Variants in EDEM2 observed in about 807,000 individuals in gnomAD.
EDEM2 encodes ER degradation-enhancing alpha-mannosidase-like protein 2.
A neutral mutation model predicts 64.8 loss-of-function variants in EDEM2; 39 were observed. The ratio of observed to expected loss-of-function variants is 0.60; its 90% CI spans 0.47 to 0.79. The LOEUF is 0.79. Ranked by LOEUF, EDEM2 falls within the 30% of genes least tolerant of loss-of-function variation. The pLI is 0.00. For synonymous variants in EDEM2, 296 were observed against 291.5 expected (o/e 1.02, Z -0.16); for missense variants, 609 against 731.3 (o/e 0.83, Z 1.93).
At chr20:35,129,993 C>A (rs1266808548) in intron 7 of EDEM2, among the ~76,000 whole-genome samples, 3 of 152,162 alleles carry the variant, frequency 2.0e-5, no homozygotes, top group African/African-American at 7.2e-5. Context: ...CAGACTATAT[C>A]CCTGTCATTA....
intron 5 of EDEM2, among the ~76,000 whole-genome samples, chr20:35,136,088 C>T (rs960415025): frequency 1.3e-5 from 2 of 152,202 alleles, no homozygotes; most frequent in Non-Finnish European, 2.9e-5. Context: ...CCAAGAACCA[C>T]AGGGTCTAGC....
chr20:35,145,078 C>A, intron 2 of EDEM2, 60 bp from the exon 3 acceptor site: 1 of 1,573,142 alleles, frequency 6.4e-7, no homozygotes, highest in Non-Finnish European at 8.7e-7. Context: ...GATATTATGG[C>A]TGCCCTAGAT....
At position 35,115,571 on chromosome 20, in the gene EDEM2, T is replaced by C; in HGVS notation, c.1599A>G (p.Thr533=). 1 of 1,613,876 alleles carries C rather than the reference T, an allele frequency of 6.2e-7. No individual in the cohort carries two copies. Among genetic ancestry groups the C allele is most frequent in the Non-Finnish European group, 8.5e-7 (1 of 1,179,992 alleles). The change falls in exon 11 of 11, where the codon ACA becomes ACG. Residue 533 remains threonine, a synonymous_variant. Coordinates refer to ENST00000374492, the MANE Select transcript of EDEM2 (RefSeq NM_018217.3). ...GPWEPPARPG[T]LFSPENHDQA... ...GGTCATGGTTTTCTGGTGAGAAGAG[T>C]GTTCCTGGCCTTGCTGGAGGTTCCC...
chr20:35,142,375 C>T lies in EDEM2; in HGVS notation c.362G>A (p.Arg121Gln), dbSNP rs556734937. 1.7e-5 allele frequency: 27 copies of T among 1,612,388 alleles called. No homozygotes were observed. The highest frequency in any genetic ancestry group is 2.1e-5 in the Non-Finnish European group (25 of 1,178,778). Residue 121 changes from arginine (R) to glutamine (Q), a missense_variant and splice_region_variant, in exon 4 of 11, where the codon CGA (arginine) becomes CAA (glutamine). Physicochemically the swap from Arg to Gln is conservative, Grantham distance 43 (BLOSUM62 1). Transcript: ENST00000374492. Reference sequence around the variant, plus strand: ...AGGTCCTAGAGAGCAGCCCTTACCTCGAATGTTTGTTTCAAACACAGAGGC... The same window carrying T: ...AGGTCCTAGAGAGCAGCCCTTACCTTGAATGTTTGTTTCAAACACAGAGGC... ...VNASVFETNIRVVGGLLSAHL... is the reference protein window; with the variant it reads ...VNASVFETNIQVVGGLLSAHL...
chr20:35,125,427 C>T (rs1224260925), intron 8 of EDEM2, among the ~76,000 whole-genome samples: 1 of 151,732 alleles, frequency 6.6e-6, no homozygotes, highest in Non-Finnish European at 1.5e-5. Context: ...CTCTGTCATC[C>T]AGGCTGGAGT....
intron 9 of EDEM2, among the ~76,000 whole-genome samples, chr20:35,121,088 G>C (rs2085363193): frequency 6.6e-6 from 1 of 152,226 alleles, no homozygotes; most frequent in Non-Finnish European, 1.5e-5. Flanking sequence ...ATTTTTCCAT[G>C]AACTGGGCTT....
rs1600712516 is a variant in EDEM2 at position 35,134,870 on chromosome 20, G to A, written c.570C>T (p.Thr190=). The change falls in exon 6 of 11, where the codon ACC becomes ACT. Residue 190 remains threonine, a synonymous_variant. Coordinates refer to ENST00000374492, the MANE Select transcript of EDEM2 (RefSeq NM_018217.3). ...TGAAGGTCCCAATCCCTGCCGTACA[G>A]GTGACAGGGGTCTCTCCTGGGTTCA... ...HGVNPGETPV[T]CTAGIGTFIV... is the part of the protein sequence containing the mutation. 4 of 1,614,198 alleles carry A rather than the reference G, an allele frequency of 2.5e-6. No homozygotes were observed. The highest frequency in any genetic ancestry group is 3.4e-6 in the Non-Finnish European group (4 of 1,180,040).
At chr20:35,132,370 C>T (rs574119182) in intron 6 of EDEM2, among the ~76,000 whole-genome samples, 1 of 151,712 alleles carries the variant, frequency 6.6e-6, no homozygotes, top group East Asian at 2.0e-4. Context: ...TTGGCAATGC[C>T]GGCCAGGCGC....
chr20:35,115,803 G>A lies in EDEM2; in HGVS notation c.1367C>T (p.Ala456Val), dbSNP rs199534117. The A allele has an allele frequency of 1.1e-5, 17 of 1,614,186 alleles. No homozygotes were observed. The highest frequency in any genetic ancestry group is 7.7e-5 in the South Asian group (7 of 91,084). ...FIHNNGSTFD[A>V]VITPYGECIL... ...GCACTCCCCATAGGGGGTGATCACC[G>A]CGTCGAAGGTGGACCCATTGTTGTG... The change falls in exon 11 of 11, where the codon GCG (alanine) becomes GTG (valine). Residue 456 changes from alanine (A) to valine (V), a missense_variant. By Grantham distance (64) the Ala-to-Val change is moderately conservative. Coordinates refer to ENST00000374492, the MANE Select transcript of EDEM2 (RefSeq NM_018217.3).
chr20:35,137,849 C>T (rs750215833), intron 5 of EDEM2, 31 bp downstream of exon 5: 15 of 1,607,610 alleles, frequency 9.3e-6, no homozygotes, highest in Admixed American at 3.4e-5. Flanking sequence ...TACTGGACTT[C>T]GTCTCTGCCC....
intron 6 of EDEM2, among the ~76,000 whole-genome samples, chr20:35,134,462 G>A (rs1467951303): frequency 6.6e-6 from 1 of 152,174 alleles, no homozygotes; most frequent in Non-Finnish European, 1.5e-5. Context: ...TCAGGGGCAT[G>A]AAACATACGA....
intron 9 of EDEM2, among the ~76,000 whole-genome samples, chr20:35,123,382 T>C (rs1046052409): frequency 6.6e-6 from 1 of 152,084 alleles, no homozygotes; most frequent in Non-Finnish European, 1.5e-5. Context: ...CACCTGAGGC[T>C]GGGAGTTCAA....
chr20:35,146,700 C>G (rs2085737587), intron 2 of EDEM2, 125 bp downstream of exon 2: 2 of 1,034,264 alleles, frequency 1.9e-6, no homozygotes, highest in East Asian at 5.2e-5. Flanking sequence ...GAGCGCGGCT[C>G]TAGCTCAGCT....
rs754778078 is a variant in EDEM2, at chr20:35,127,980, CAT to C, written c.845-1607_845-1606del. 1.0e-3 allele frequency among the ~76,000 whole-genome samples: 159 copies of C among 152,180 alleles called. 2 individuals carry two copies. Among genetic ancestry groups the C allele is most frequent in the Non-Finnish European group, 3.4e-4 (23 of 68,036 alleles). The stretch of plus-strand genomic sequence containing the variant: ...TAAACACACCTACTGTGCTGCCAGT[CAT>C]AAAAGTATAACACATACAATTATGT... On this transcript the variant is annotated intron_variant, in intron 7 of 10. Transcript: ENST00000374492.
intron 10 of EDEM2, chr20:35,118,363 T>A (rs188488497): frequency 3.8e-6 from 2 of 523,662 alleles, no homozygotes; most frequent in African/African-American, 3.9e-5. Flanking sequence ...AGGGCCGGGG[T>A]CAAGATCCCA....
rs147042531 is a variant in EDEM2, at chr20:35,134,387, G to C, written c.702+351C>G. Among the ~76,000 whole-genome samples, 3 of 152,220 alleles carry C rather than the reference G, an allele frequency of 2.0e-5. No individual in the cohort carries two copies. The East Asian group carries it at 5.8e-4, about 29-fold the overall frequency. ...CAGAACCGGTGTCCTAAGAAACACA[G>C]CAAATACAGATAGACGCTAAAAATG... On this transcript the variant is annotated intron_variant, in intron 6 of 10. Coordinates refer to ENST00000374492, the MANE Select transcript of EDEM2 (RefSeq NM_018217.3).
chr20:35,129,442 G>A (rs6579220), intron 7 of EDEM2, among the ~76,000 whole-genome samples: 25,511 of 150,788 alleles, frequency 0.17, 2,601 homozygotes, highest in African/African-American at 0.28. Context: ...ATGGTGGTGG[G>A]CGCCTGTAAT....
At chr20:35,138,320 T>C (rs2146109422) in intron 4 of EDEM2, among the ~76,000 whole-genome samples, 1 of 152,284 alleles carries the variant, frequency 6.6e-6, no homozygotes, top group Admixed American at 6.5e-5. Context: ...TAAGTCCCTA[T>C]TGTGTACCAA....
chr20:35,136,614 A>C (rs554337357), intron 5 of EDEM2, among the ~76,000 whole-genome samples: 1 of 152,158 alleles, frequency 6.6e-6, no homozygotes, highest in South Asian at 2.1e-4. Context: ...TTAGCCATGC[A>C]TGGTGGCATC....
Sources: allele counts gnomAD v4.1 joint callset (sites outside exome capture counted in the v4.1 genomes callset), GRCh38; gene constraint gnomAD v4.1.1; transcripts MANE v1.5; gene names NCBI Gene and HGNC (gene_info 2026-07-23, HGNC 2026-07-21).